TMEFF1: variants seen among roughly 807,000 people sequenced by gnomAD.
The protein encoded by TMEFF1 is tomoregulin-1.
In TMEFF1, 20 loss-of-function variants were observed where a neutral mutation model predicts 47.5. The ratio of observed to expected loss-of-function variants is 0.42; its 90% CI spans 0.30 to 0.61. The LOEUF is 0.61. Among genes scored for constraint, TMEFF1 ranks in the 20% least tolerant of loss-of-function variants. TMEFF1 has a pLI of 0.19. For synonymous variants in TMEFF1, 162 were observed against 166.3 expected (o/e 0.97, Z 0.20); for missense variants, 411 against 471.1 (o/e 0.87, Z 1.18).
At chr9:100,545,140 C>A (rs1838707044) in intron 5 of TMEFF1, among the ~76,000 whole-genome samples, 1 of 152,208 alleles carries the variant, frequency 6.6e-6, no homozygotes, top group Non-Finnish European at 1.5e-5. Flanking sequence ...CTCCTCACAG[C>A]TCCACTAGGC....
At chr9:100,530,226 C>G (rs1414625647) in intron 5 of TMEFF1, among the ~76,000 whole-genome samples, 1 of 151,592 alleles carries the variant, frequency 6.6e-6, no homozygotes, top group African/African-American at 2.4e-5. Context: ...TAGCAGAAGG[C>G]AAGAAATAAC....
chr9:100,561,229 A>G (rs561403148), intron 7 of TMEFF1, among the ~76,000 whole-genome samples, 168 bp from the exon 8 acceptor site: 1 of 152,340 alleles, frequency 6.6e-6, no homozygotes, highest in South Asian at 2.1e-4. Flanking sequence ...TAGGAATTAG[A>G]AGAGACCCTG....
intron 5 of TMEFF1, among the ~76,000 whole-genome samples, chr9:100,526,942 T>C (rs1001927886): frequency 2.1e-4 from 23 of 109,228 alleles, no homozygotes; most frequent in African/African-American, 8.9e-4. Context: ...AAACCCTGTC[T>C]CTGCTAAAAA....
At chr9:100,562,486 T>G (rs994166453) in intron 8 of TMEFF1, among the ~76,000 whole-genome samples, 1 of 152,192 alleles carries the variant, frequency 6.6e-6, no homozygotes, top group Non-Finnish European at 1.5e-5. Flanking sequence ...AAACTGTTAA[T>G]GGTTGAATAG....
chr9:100,477,620 CTTTTTTTTTTT>C (rs869245620), intron 1 of TMEFF1, among the ~76,000 whole-genome samples: 18 of 106,758 alleles, frequency 1.7e-4, no homozygotes, highest in East Asian at 5.8e-4. Flanking sequence ...TGCATTCCGC[CTTTTTTTTTTT>C]TTTTTTTTTT....
chr9:100,497,095 A>G (rs138668784), intron 1 of TMEFF1, among the ~76,000 whole-genome samples: 306 of 152,186 alleles, frequency 2.0e-3, no homozygotes, highest in African/African-American at 6.8e-3. Context: ...TAGGGGGAAA[A>G]TCCCTATACC....
intron 8 of TMEFF1, among the ~76,000 whole-genome samples, chr9:100,564,735 A>G (rs1357938128): frequency 6.6e-6 from 1 of 152,218 alleles, no homozygotes; most frequent in Non-Finnish European, 1.5e-5. Flanking sequence ...TGATGAGATC[A>G]AATCTGAAAG....
chr9:100,542,195 C>T (rs1474936661), intron 5 of TMEFF1, among the ~76,000 whole-genome samples: 1 of 151,724 alleles, frequency 6.6e-6, no homozygotes, highest in East Asian at 1.9e-4. Flanking sequence ...TTTTAACATG[C>T]ATATTCAGCT....
At chr9:100,491,196 A>G (rs540786868) in intron 1 of TMEFF1, among the ~76,000 whole-genome samples, 1 of 152,112 alleles carries the variant, frequency 6.6e-6, no homozygotes, top group African/African-American at 2.4e-5. Context: ...TGTTTCTGCT[A>G]TTTTCAGTAT....
intron 1 of TMEFF1, among the ~76,000 whole-genome samples, chr9:100,479,911 A>G (rs1837308260): frequency 6.6e-6 from 1 of 152,146 alleles, no homozygotes; most frequent in Non-Finnish European, 1.5e-5. Flanking sequence ...GTCATATGGT[A>G]ACTCTGTGTT....
chr9:100,561,430 G>A lies in TMEFF1; in HGVS notation c.809G>A (p.Gly270Glu), dbSNP rs752626615. The change falls in exon 8 of 10, where the codon GGA becomes GAA. Residue 270 changes from glycine to glutamate, a missense_variant. By Grantham distance (98) the Gly-to-Glu change is moderately conservative. Coordinates refer to ENST00000374879, the MANE Select transcript of TMEFF1 (RefSeq NM_003692.5). Reference sequence around the variant, plus strand: ...GATCAAAGAGAAGATGTTTATATTGGAAACCACATGCCTTGCCCTGAAAAC... The same window carrying A: ...GATCAAAGAGAAGATGTTTATATTGAAAACCACATGCCTTGCCCTGAAAAC... ...ASDQREDVYI[G>E]NHMPCPENLN... 1.2e-6 allele frequency: 2 copies of A among 1,613,364 alleles called. No individual in the cohort carries two copies. Among genetic ancestry groups the A allele is most frequent in the Non-Finnish European group, 1.7e-6 (2 of 1,179,698 alleles).
chr9:100,540,112 C>T (rs905251038), intron 5 of TMEFF1, among the ~76,000 whole-genome samples: 2 of 151,880 alleles, frequency 1.3e-5, no homozygotes, highest in Non-Finnish European at 2.9e-5. Flanking sequence ...AGTCACCTAC[C>T]CCATTAGCTA....
At chr9:100,514,052 A>G (rs1038879841) in intron 4 of TMEFF1, among the ~76,000 whole-genome samples, 6 of 152,200 alleles carry the variant, frequency 3.9e-5, no homozygotes, top group African/African-American at 1.4e-4. Context: ...TAATGAGGCT[A>G]TAATTCTTAA....
chr9:100,494,306 T>A (rs960872000), intron 1 of TMEFF1, among the ~76,000 whole-genome samples: 4 of 151,914 alleles, frequency 2.6e-5, no homozygotes, highest in African/African-American at 9.7e-5. Context: ...TAGCACAAAA[T>A]TTTTTAAGAC....
At chr9:100,500,263 T>C (rs1446318515) in intron 2 of TMEFF1, among the ~76,000 whole-genome samples, 5 of 152,224 alleles carry the variant, frequency 3.3e-5, no homozygotes, top group Non-Finnish European at 2.9e-5. Flanking sequence ...CTTGAACTTA[T>C]CATGCTTGGG....
At chr9:100,563,815 T>G (rs1407557252) in intron 8 of TMEFF1, among the ~76,000 whole-genome samples, 2 of 152,218 alleles carry the variant, frequency 1.3e-5, no homozygotes, top group African/African-American at 4.8e-5. Flanking sequence ...TGACCTGTGA[T>G]GATGATAAAT....
chr9:100,499,609 G>A (rs528448564), intron 2 of TMEFF1, among the ~76,000 whole-genome samples: 2 of 152,176 alleles, frequency 1.3e-5, no homozygotes, highest in Non-Finnish European at 2.9e-5. Context: ...GGGAAGAAAG[G>A]GCACAGAAAT....
chr9:100,533,145 G>A (rs1364793503), intron 5 of TMEFF1, among the ~76,000 whole-genome samples: 4 of 150,848 alleles, frequency 2.7e-5, no homozygotes, highest in South Asian at 4.2e-4. Flanking sequence ...GCTAGATGAC[G>A]ATTTAGTGGG....
At chr9:100,540,080 A>T (rs1047453678) in intron 5 of TMEFF1, among the ~76,000 whole-genome samples, 10 of 152,168 alleles carry the variant, frequency 6.6e-5, no homozygotes, top group Admixed American at 3.3e-4. Context: ...ACAAACCTTT[A>T]GCTAGACAGA....
Sources: gnomAD v4.1 joint callset for allele counts (sites outside exome capture counted in the v4.1 genomes callset) on GRCh38, gnomAD v4.1.1 for gene constraint, MANE v1.5 for transcripts, NCBI Gene and HGNC (gene_info 2026-07-23, HGNC 2026-07-21) for gene names.